Variants in UVRAG observed in about 807,000 individuals in gnomAD.
UVRAG encodes UV radiation resistance associated, also known as UV radiation resistance-associated gene protein.
UVRAG carries 19 observed loss-of-function variants against 78.0 expected under a neutral mutation model. The observed-to-expected ratio is 0.24, with a 90% CI of 0.17 to 0.36. The LOEUF (loss-of-function observed/expected upper bound fraction) is 0.36, where lower values mean the gene tolerates loss of function less well. Among genes scored for constraint, UVRAG ranks in the 10% least tolerant of loss-of-function variants. The probability of loss-of-function intolerance (pLI) is 1.00; values close to 1 mark genes in which losing one functional copy is unlikely to be tolerated. For synonymous variants in UVRAG, 323 were observed against 324.6 expected, an observed-to-expected ratio of 1.00 and a Z score of 0.05; for missense variants, 740 against 853.8, an observed-to-expected ratio of 0.87 and a Z score of 1.66.
rs927285196 is a variant in UVRAG at position 75,995,333 on chromosome 11, CATT to C, written c.827-8668_827-8666del. Among the ~76,000 whole-genome samples the C allele has an allele frequency of 2.0e-5, 3 of 151,872 alleles. No homozygotes were observed. In the South Asian group the frequency reaches 6.2e-4, roughly 32 times the overall value. On this transcript the variant is annotated intron_variant, in intron 8 of 14. Transcript: ENST00000356136. ...TGGCAATTAAGAGCAAAAACAAACA[CATT>C]ATTTTGGTGGCAGTGAATAGGAGAG... is the stretch of plus-strand genomic sequence containing the variant.
At chr11:76,081,322 C>T (rs149233499) in intron 13 of UVRAG, among the ~76,000 whole-genome samples, 252 of 152,202 alleles carry the variant, frequency 1.7e-3, no homozygotes, top group African/African-American at 5.9e-3. Context: ...TCTCCTACCT[C>T]AGCCTCCCGA....
At chr11:75,893,405 AAAAAGGGCCGAG>A (rs1210480661) in intron 5 of UVRAG, among the ~76,000 whole-genome samples, 1 of 151,916 alleles carries the variant, frequency 6.6e-6, no homozygotes, top group Admixed American at 6.6e-5. Flanking sequence ...TCCCTATTAA[AAAAAGGGCCGAG>A]AAAAGACAGC....
intron 6 of UVRAG, among the ~76,000 whole-genome samples, chr11:75,957,927 A>G (rs1948833084): frequency 6.6e-6 from 1 of 152,242 alleles, no homozygotes; most frequent in African/African-American, 2.4e-5. Flanking sequence ...AAATATTTCA[A>G]TAAAGCGAGT....
At chr11:75,991,060 C>G (rs1187066324) in intron 8 of UVRAG, among the ~76,000 whole-genome samples, 1 of 152,124 alleles carries the variant, frequency 6.6e-6, no homozygotes, top group African/African-American at 2.4e-5. Flanking sequence ...TGTTGTTTGG[C>G]AGTGATAAGT....
At chr11:76,037,096 G>A (rs935182423) in intron 12 of UVRAG, among the ~76,000 whole-genome samples, 1 of 152,118 alleles carries the variant, frequency 6.6e-6, no homozygotes, top group Non-Finnish European at 1.5e-5. Flanking sequence ...TTCCTTGAAG[G>A]CATTTAATAA....
At chr11:75,914,079 A>G (rs939110288) in intron 6 of UVRAG, 1 of 152,224 alleles carries the variant, frequency 6.6e-6, no homozygotes, top group Non-Finnish European at 1.5e-5. Flanking sequence ...TACTGAACCC[A>G]GGGAGTTGTT....
chr11:75,900,387 T>C (rs1167746136), intron 5 of UVRAG, among the ~76,000 whole-genome samples: 2 of 152,318 alleles, frequency 1.3e-5, no homozygotes, highest in East Asian at 3.9e-4. Flanking sequence ...TCTCTTTTTT[T>C]CTCTCTCCAC....
chr11:75,830,317 T>C, intron 1 of UVRAG, among the ~76,000 whole-genome samples: 1 of 152,110 alleles, frequency 6.6e-6, no homozygotes. Flanking sequence ...TCGGCCAGGC[T>C]GGAGTGCAGT....
At chr11:76,091,539 C>A (rs549970923) in intron 13 of UVRAG, among the ~76,000 whole-genome samples, 6 of 152,094 alleles carry the variant, frequency 3.9e-5, no homozygotes, top group African/African-American at 1.4e-4. Flanking sequence ...CTGTAATTTT[C>A]TTACTTCTTC....
chr11:75,913,916 C>T (rs1160487734), intron 6 of UVRAG, among the ~76,000 whole-genome samples: 2 of 152,162 alleles, frequency 1.3e-5, no homozygotes, highest in African/African-American at 4.8e-5. Context: ...GAGTTCATAT[C>T]TAGAGTATTT....
intron 12 of UVRAG, among the ~76,000 whole-genome samples, chr11:76,054,517 A>T (rs1950940328): frequency 6.6e-6 from 1 of 152,142 alleles, no homozygotes. Flanking sequence ...ATGTAAACCG[A>T]TTCCTTTGCT....
intron 6 of UVRAG, among the ~76,000 whole-genome samples, chr11:75,947,251 A>G (rs1015330165): frequency 3.9e-5 from 6 of 152,144 alleles, no homozygotes; most frequent in African/African-American, 1.4e-4. Context: ...ACTCAAAGTG[A>G]ACTGATACGT....
chr11:76,014,944 C>T (rs933601866), intron 11 of UVRAG, among the ~76,000 whole-genome samples: 4 of 152,100 alleles, frequency 2.6e-5, no homozygotes, highest in African/African-American at 7.2e-5. Context: ...CAAGAGGACA[C>T]GGTCTCTAAA....
intron 5 of UVRAG, among the ~76,000 whole-genome samples, chr11:75,909,913 A>G (rs142776194): frequency 1.9e-4 from 29 of 152,222 alleles, no homozygotes; most frequent in African/African-American, 7.0e-4. Flanking sequence ...CTAGTTTTAT[A>G]AGTTGGAAAT....
chr11:75,981,867 T>A (rs183733615), intron 7 of UVRAG, among the ~76,000 whole-genome samples: 8 of 152,276 alleles, frequency 5.3e-5, no homozygotes, highest in African/African-American at 1.7e-4. Flanking sequence ...TTCTAAAATT[T>A]CCATTTGGTT....
chr11:76,053,308 A>AACACACACACACACACACACACAC (rs377457433), intron 12 of UVRAG, among the ~76,000 whole-genome samples: 4 of 140,694 alleles, frequency 2.8e-5, no homozygotes, highest in African/African-American at 1.1e-4. Context: ...TCTGTCTCAA[A>AACACACACACACACACACACACAC]ACACACACAC....
intron 12 of UVRAG, among the ~76,000 whole-genome samples, chr11:76,020,649 C>CTTTTTTTTTTTTTTTTTTTT (rs35112254): frequency 3.8e-5 from 2 of 52,250 alleles, no homozygotes. Flanking sequence ...AAGAAGGAGT[C>CTTTTTTTTTTTTTTTTTTTT]TTTTTTTTTT....
At chr11:76,083,697 T>A (rs1048632410) in intron 13 of UVRAG, among the ~76,000 whole-genome samples, 9 of 151,876 alleles carry the variant, frequency 5.9e-5, no homozygotes, top group Admixed American at 1.3e-4. Flanking sequence ...AGCCAAAAAA[T>A]TTTTTTTTAG....
At position 75,888,115 on chromosome 11, in the gene UVRAG, T is replaced by C. The variant is rs1028658253; in HGVS notation, c.433-714T>C. Reference sequence around the variant, plus strand: ...TTGAAAATAGAATATATTAATCTTTTATGTTTTTCTAGGGCTTCATTTTTT... The same window carrying C: ...TTGAAAATAGAATATATTAATCTTTCATGTTTTTCTAGGGCTTCATTTTTT... On this transcript the variant is annotated intron_variant, in intron 4 of 14. Transcript: ENST00000356136. Among the ~76,000 whole-genome samples the C allele has an allele frequency of 2.6e-5, 4 of 152,158 alleles. No individual in the cohort carries two copies. In the East Asian group the frequency reaches 7.7e-4, roughly 29 times the overall value.
Sources: gnomAD v4.1 joint callset for allele counts (sites outside exome capture counted in the v4.1 genomes callset) on GRCh38, gnomAD v4.1.1 for gene constraint, MANE v1.5 for transcripts, NCBI Gene and HGNC (gene_info 2026-07-23, HGNC 2026-07-21) for gene names.